The following PPARGC1A variants were observed in gnomAD, a reference collection of about 807,000 sequenced individuals.
The protein encoded by PPARGC1A is peroxisome proliferator-activated receptor gamma coactivator 1-alpha.
PPARGC1A carries 25 observed loss-of-function variants against 88.7 expected under a neutral mutation model. The ratio of observed to expected loss-of-function variants is 0.28; its 90% confidence interval spans 0.21 to 0.39. The LOEUF is 0.39. PPARGC1A is among the 10% of genes least tolerant of loss of function. PPARGC1A has a pLI of 1.00. For missense variants in PPARGC1A, 880 were observed against 968.7 expected, an observed-to-expected ratio of 0.91 and a Z score of 1.22; for synonymous variants, 363 against 355.6, an observed-to-expected ratio of 1.02 and a Z score of -0.24.
rs138759307 is a variant in PPARGC1A, at chr4:23,863,650, T to C, written c.234+21102A>G. Among the ~76,000 whole-genome samples, 75 of 152,304 alleles carry C rather than the reference T, an allele frequency of 4.9e-4. 1 individual carries two copies. In the East Asian group the frequency reaches 0.014, roughly 28 times the overall value. ...CCGTGCACATAGTAGGTGATAAATA[T>C]GTGTTAAAATAATAATGAGATGAAA... On this transcript the variant is annotated intron_variant, in intron 2 of 12. Coordinates refer to ENST00000264867, the MANE Select transcript of PPARGC1A (RefSeq NM_013261.5).
the PPARGC1A span, among the ~76,000 whole-genome samples, chr4:24,219,203 G>C: frequency 6.6e-6 from 1 of 152,198 alleles, no homozygotes; most frequent in African/African-American, 2.4e-5. Context: ...CTTGGCAAAA[G>C]TGCCAGGAAG....
intron 7 of PPARGC1A, among the ~76,000 whole-genome samples, chr4:23,817,590 A>C (rs988591532): frequency 6.6e-6 from 1 of 152,194 alleles, no homozygotes; most frequent in Admixed American, 6.5e-5. Context: ...GTGAGTAAAA[A>C]TATAAGGGCT....
intron 2 of PPARGC1A, among the ~76,000 whole-genome samples, chr4:23,857,483 T>C (rs1730407320): frequency 1.3e-5 from 2 of 151,712 alleles, no homozygotes; most frequent in Admixed American, 1.3e-4. Context: ...TCATAAGCAC[T>C]AGTTTCAATT....
the PPARGC1A span, among the ~76,000 whole-genome samples, chr4:23,988,307 T>C: frequency 6.6e-6 from 1 of 152,216 alleles, no homozygotes; most frequent in South Asian, 2.1e-4. Flanking sequence ...TGCCCAGTAA[T>C]AGGATTGCTG....
At chr4:24,148,752 T>TTA in the PPARGC1A span, among the ~76,000 whole-genome samples, 1 of 152,218 alleles carries the variant, frequency 6.6e-6, no homozygotes, top group Non-Finnish European at 1.5e-5. Context: ...AACTGATTAC[T>TTA]TGCTCACACA....
At chr4:23,970,945 G>T in the PPARGC1A span, among the ~76,000 whole-genome samples, 1 of 152,052 alleles carries the variant, frequency 6.6e-6, no homozygotes, top group Admixed American at 6.5e-5. Flanking sequence ...CTGATATTCA[G>T]CACCGTGTAG....
the PPARGC1A span, among the ~76,000 whole-genome samples, chr4:24,338,496 T>A: frequency 1.6e-3 from 244 of 152,306 alleles, 1 homozygote; most frequent in Non-Finnish European, 3.0e-3. Context: ...TCCAGGCTGA[T>A]AACTTTCAAC....
chr4:23,978,522 T>C, the PPARGC1A span, among the ~76,000 whole-genome samples: 1 of 152,180 alleles, frequency 6.6e-6, no homozygotes, highest in Non-Finnish European at 1.5e-5. Context: ...ACATCATCTA[T>C]GGAATGACAA....
At chr4:24,450,145 C>G in the PPARGC1A span, among the ~76,000 whole-genome samples, 2 of 152,212 alleles carry the variant, frequency 1.3e-5, no homozygotes, top group Non-Finnish European at 2.9e-5. Context: ...AAACAAATGA[C>G]TGGGTCAAGT....
the PPARGC1A span, among the ~76,000 whole-genome samples, chr4:24,340,268 C>A: frequency 6.6e-6 from 1 of 152,126 alleles, no homozygotes; most frequent in Non-Finnish European, 1.5e-5. Flanking sequence ...CATCTCCACT[C>A]GATTTTCTTT....
chr4:23,805,249 C>T (rs1477017736), intron 10 of PPARGC1A, among the ~76,000 whole-genome samples: 2 of 151,282 alleles, frequency 1.3e-5, no homozygotes, highest in Non-Finnish European at 2.9e-5. Context: ...AAAAACCTTG[C>T]TCAAGTAGCT....
At chr4:24,170,763 T>C in the PPARGC1A span, among the ~76,000 whole-genome samples, 1 of 152,214 alleles carries the variant, frequency 6.6e-6, no homozygotes, top group African/African-American at 2.4e-5. Context: ...CCTATCCAGC[T>C]GAGCATTTAA....
intron 12 of PPARGC1A, among the ~76,000 whole-genome samples, chr4:23,796,230 C>T (rs532228872): frequency 2.0e-5 from 3 of 152,034 alleles, no homozygotes; most frequent in Non-Finnish European, 4.4e-5. Flanking sequence ...AAATGACTTG[C>T]CCATGGTTCC....
the PPARGC1A span, among the ~76,000 whole-genome samples, chr4:24,070,154 T>C: frequency 2.6e-5 from 4 of 152,210 alleles, no homozygotes; most frequent in Non-Finnish European, 5.9e-5. Context: ...ACAGGAATTA[T>C]ACTAAATGCA....
At chr4:23,977,034 CAAG>C in the PPARGC1A span, among the ~76,000 whole-genome samples, 5 of 148,490 alleles carry the variant, frequency 3.4e-5, no homozygotes, top group African/African-American at 1.0e-4. Flanking sequence ...AAAAGGAGAA[CAAG>C]AAGGAGAAGA....
intron 2 of PPARGC1A, among the ~76,000 whole-genome samples, chr4:23,851,347 A>T (rs1206154796): frequency 6.6e-6 from 1 of 152,184 alleles, no homozygotes; most frequent in Non-Finnish European, 1.5e-5. Context: ...ATCAGAACCA[A>T]TGATAAGATG....
At chr4:23,869,734 A>C (rs1403437099) in intron 2 of PPARGC1A, among the ~76,000 whole-genome samples, 1 of 152,182 alleles carries the variant, frequency 6.6e-6, no homozygotes, top group African/African-American at 2.4e-5. Context: ...CTCCAGATGA[A>C]TATTTACAAG....
At position 23,899,053 on chromosome 4, in the gene PPARGC1A, G is replaced by A. The variant is rs949526181; in HGVS notation, n.52+214C>T. On this transcript the variant is annotated intron_variant and non_coding_transcript_variant, in intron 1 of 3. Transcript: ENST00000507342. Reference sequence around the variant, plus strand: ...GACGGGGTTTCACCATGTTGGTCAGGCTGGTCTCGAACTCCAGACCTGATG... The same window carrying A: ...GACGGGGTTTCACCATGTTGGTCAGACTGGTCTCGAACTCCAGACCTGATG... Among the ~76,000 whole-genome samples the A allele has an allele frequency of 4.6e-5, 6 of 129,556 alleles. No individual in the cohort carries two copies. The East Asian group carries it at 1.3e-3, about 27-fold the overall frequency. 85.0% of individuals were successfully genotyped at this position (129,556 alleles called of 152,430 possible).
chr4:24,238,189 A>G, the PPARGC1A span, among the ~76,000 whole-genome samples: 1 of 152,196 alleles, frequency 6.6e-6, no homozygotes, highest in Non-Finnish European at 1.5e-5. Flanking sequence ...CTAATTCCAG[A>G]GCCTCATCTC....
Sources: gnomAD v4.1 joint callset for allele counts (sites outside exome capture counted in the v4.1 genomes callset) on GRCh38, gnomAD v4.1.1 for gene constraint, MANE v1.5 for transcripts, NCBI Gene and HGNC (gene_info 2026-07-23, HGNC 2026-07-21) for gene names.